The following FTCDNL1 variants were observed in gnomAD, a reference collection of about 807,000 sequenced individuals.
The protein encoded by FTCDNL1 is formiminotransferase cyclodeaminase N-terminal like.
A neutral mutation model predicts 5.9 loss-of-function variants in FTCDNL1; 11 were observed. That is an observed-to-expected ratio of 1.87 (90% CI 1.18 to 3.10). The LOEUF (loss-of-function observed/expected upper bound fraction) is 3.10. Among genes scored for constraint, FTCDNL1 ranks in the 30% most tolerant of loss-of-function variants. The pLI is 0.00. For missense variants in FTCDNL1, 115 were observed against 65.5 expected, an observed-to-expected ratio of 1.76 and a Z score of -2.61; for synonymous variants, 58 against 24.8, an observed-to-expected ratio of 2.34 and a Z score of -3.99.
intron 3 of FTCDNL1, among the ~76,000 whole-genome samples, chr2:199,762,627 C>A (rs1698324219): frequency 6.6e-6 from 1 of 152,092 alleles, no homozygotes; most frequent in South Asian, 2.1e-4. Flanking sequence ...ATAAATAATT[C>A]ATTTATGAAT....
At chr2:199,757,214 G>A (rs773333590), downstream of FTCDNL1, among the ~76,000 whole-genome samples, 3 of 152,138 alleles carry the variant, frequency 2.0e-5, no homozygotes, top group Non-Finnish European at 4.4e-5. Flanking sequence ...TTGGACCCAA[G>A]TACACAAATA....
intron 3 of FTCDNL1, among the ~76,000 whole-genome samples, chr2:199,766,644 A>G (rs1698549284): frequency 6.6e-6 from 1 of 152,240 alleles, no homozygotes; most frequent in Admixed American, 6.5e-5. Context: ...AGTATTTTCC[A>G]AAGACAGATC....
the FTCDNL1 span, among the ~76,000 whole-genome samples, chr2:199,706,868 C>G: frequency 1.8e-3 from 272 of 152,306 alleles, 2 homozygotes; most frequent in African/African-American, 6.2e-3. Context: ...CAAGCTCAGG[C>G]TTTTCCCTCC....
the FTCDNL1 span, among the ~76,000 whole-genome samples, chr2:199,753,759 A>T: frequency 6.6e-6 from 1 of 152,196 alleles, no homozygotes; most frequent in Non-Finnish European, 1.5e-5. Flanking sequence ...CTAAAAAATG[A>T]AGAGGTAGGT....
the FTCDNL1 span, among the ~76,000 whole-genome samples, chr2:199,713,914 C>T: frequency 1.7e-4 from 26 of 152,258 alleles, no homozygotes; most frequent in African/African-American, 6.0e-4. Flanking sequence ...CTTATTTTGA[C>T]TTACAGTGGC....
chr2:199,682,089 T>C, the FTCDNL1 span, among the ~76,000 whole-genome samples: 18 of 152,222 alleles, frequency 1.2e-4, no homozygotes, highest in Non-Finnish European at 1.9e-4. Context: ...CCCAGAAATG[T>C]GGCCAAACAC....
the FTCDNL1 span, among the ~76,000 whole-genome samples, chr2:199,667,500 AAAC>A: frequency 5.0e-4 from 55 of 110,054 alleles, 1 homozygote; most frequent in South Asian, 2.6e-3. Flanking sequence ...AACAAACAAA[AAAC>A]AACAATACAT....
At chr2:199,775,875 C>T (rs905577589) in intron 3 of FTCDNL1, among the ~76,000 whole-genome samples, 3 of 151,506 alleles carry the variant, frequency 2.0e-5, no homozygotes, top group Non-Finnish European at 4.4e-5. Flanking sequence ...ATAAAGAAAC[C>T]GGGGCTCAGA....
chr2:199,799,171 A>G (rs1700319860), intron 3 of FTCDNL1, among the ~76,000 whole-genome samples: 2 of 152,230 alleles, frequency 1.3e-5, no homozygotes, highest in Admixed American at 1.3e-4. Context: ...GCCATTCATC[A>G]TATTTTTCAA....
At chr2:199,832,069 T>C (rs996227869) in intron 3 of FTCDNL1, among the ~76,000 whole-genome samples, 1 of 152,196 alleles carries the variant, frequency 6.6e-6, no homozygotes, top group Non-Finnish European at 1.5e-5. Context: ...ATTTTACATA[T>C]ATATTTCATA....
chr2:199,819,187 T>C (rs1320619547), intron 4 of FTCDNL1: 1 of 173,856 alleles, frequency 5.8e-6, no homozygotes, highest in Non-Finnish European at 1.2e-5. Flanking sequence ...AGAAGTGATC[T>C]CTCCCTAAGT....
intron 3 of FTCDNL1, among the ~76,000 whole-genome samples, chr2:199,788,874 A>T (rs950340497): frequency 6.6e-6 from 1 of 152,068 alleles, no homozygotes; most frequent in African/African-American, 2.4e-5. Context: ...AAGAGATTAA[A>T]AATTATGAGA....
At chr2:199,751,627 GCAGGGCGCCTTT>G in the FTCDNL1 span, among the ~76,000 whole-genome samples, 1 of 152,078 alleles carries the variant, frequency 6.6e-6, no homozygotes, top group African/African-American at 2.4e-5. Flanking sequence ...GAAGTGAGCT[GCAGGGCGCCTTT>G]CTCCCCTTCT....
the FTCDNL1 span, among the ~76,000 whole-genome samples, chr2:199,704,812 C>T: frequency 6.6e-6 from 1 of 152,106 alleles, no homozygotes; most frequent in Non-Finnish European, 1.5e-5. Context: ...AGCTCTTGAA[C>T]TAGGAATCTT....
intron 3 of FTCDNL1, among the ~76,000 whole-genome samples, chr2:199,796,441 T>G (rs1255567240): frequency 6.6e-6 from 1 of 152,184 alleles, no homozygotes; most frequent in Non-Finnish European, 1.5e-5. Flanking sequence ...GTCACTGAAG[T>G]CAAAAATATG....
At chr2:199,748,133 G>T in the FTCDNL1 span, among the ~76,000 whole-genome samples, 1 of 152,174 alleles carries the variant, frequency 6.6e-6, no homozygotes, top group South Asian at 2.1e-4. Context: ...TGCAATAGTT[G>T]AAAAAATATA....
chr2:199,675,819 T>A, the FTCDNL1 span, among the ~76,000 whole-genome samples: 1 of 152,186 alleles, frequency 6.6e-6, no homozygotes, highest in Non-Finnish European at 1.5e-5. Context: ...ATAGTGATCA[T>A]AGCTCACTGC....
chr2:199,730,537 G>A, the FTCDNL1 span, among the ~76,000 whole-genome samples: 54 of 152,264 alleles, frequency 3.5e-4, 1 homozygote, highest in East Asian at 0.01. Flanking sequence ...CAAAGGATAT[G>A]AACAGACACT....
chr2:199,704,555 T>C, the FTCDNL1 span, among the ~76,000 whole-genome samples: 1 of 152,046 alleles, frequency 6.6e-6, no homozygotes, highest in East Asian at 1.9e-4. Context: ...AAGAGACTTG[T>C]AAGTGTGTGC....
Sources: allele counts gnomAD v4.1 joint callset (sites outside exome capture counted in the v4.1 genomes callset), GRCh38; gene constraint gnomAD v4.1.1; transcripts MANE v1.5; gene names NCBI Gene and HGNC (gene_info 2026-07-23, HGNC 2026-07-21).